Variants in GSG1L observed in about 807,000 individuals in gnomAD.
GSG1L encodes the protein germ cell-specific gene 1-like protein.
A neutral mutation model predicts 42.1 loss-of-function variants in GSG1L; 24 were observed. The observed-to-expected ratio is 0.57, with a 90% CI of 0.41 to 0.80. The LOEUF (loss-of-function observed/expected upper bound fraction) is 0.80. GSG1L is among the 30% of genes least tolerant of loss of function. The pLI is 0.00. For synonymous variants in GSG1L, 215 were observed against 203.5 expected (o/e 1.06, Z -0.48); for missense variants, 445 against 472.2 (o/e 0.94, Z 0.53).
intron 1 of GSG1L, among the ~76,000 whole-genome samples, chr16:27,964,608 T>G (rs2085108859): frequency 1.3e-5 from 2 of 152,214 alleles, no homozygotes; most frequent in African/African-American, 4.8e-5. Flanking sequence ...AATGAGATGC[T>G]GTCATTTGCA....
At chr16:27,920,276 C>G (rs970607127) in intron 2 of GSG1L, among the ~76,000 whole-genome samples, 2 of 152,204 alleles carry the variant, frequency 1.3e-5, no homozygotes, top group African/African-American at 4.8e-5. Context: ...TTTGCTGACC[C>G]TAGTCTGTGG....
At chr16:27,953,969 G>C (rs141080289) in intron 2 of GSG1L, among the ~76,000 whole-genome samples, 1 of 152,314 alleles carries the variant, frequency 6.6e-6, no homozygotes, top group African/African-American at 2.4e-5. Flanking sequence ...ATGACCTTCT[G>C]GTTCCTGGCT....
At chr16:27,905,161 G>A (rs980087552) in intron 2 of GSG1L, among the ~76,000 whole-genome samples, 1 of 152,168 alleles carries the variant, frequency 6.6e-6, no homozygotes, top group African/African-American at 2.4e-5. Context: ...ATTCACCCCA[G>A]AGAGGGGACA....
chr16:27,958,634 A>G (rs1411348085), intron 2 of GSG1L, among the ~76,000 whole-genome samples: 2 of 152,162 alleles, frequency 1.3e-5, no homozygotes, highest in Non-Finnish European at 2.9e-5. Context: ...TGGGTTTATA[A>G]GAGACTTTCA....
intron 2 of GSG1L, among the ~76,000 whole-genome samples, chr16:27,923,747 AG>A (rs1259384917): frequency 1.7e-4 from 11 of 66,248 alleles, no homozygotes; most frequent in African/African-American, 5.4e-4. Flanking sequence ...AAAAAAAAAA[AG>A]GAAGAAAGAA....
intron 2 of GSG1L, among the ~76,000 whole-genome samples, chr16:27,910,055 G>T (rs192284451): frequency 1.0e-4 from 15 of 150,076 alleles, no homozygotes; most frequent in African/African-American, 3.7e-4. Flanking sequence ...CACCTCCCAG[G>T]TCCAAGAGAT....
intron 3 of GSG1L, among the ~76,000 whole-genome samples, chr16:27,862,149 G>A (rs1240768798): frequency 2.6e-5 from 4 of 152,184 alleles, no homozygotes; most frequent in African/African-American, 9.7e-5. Flanking sequence ...ATAGGATATG[G>A]CAGTGGTAAT....
At chr16:28,051,721 T>C (rs779068702) in intron 1 of GSG1L, among the ~76,000 whole-genome samples, 12 of 151,908 alleles carry the variant, frequency 7.9e-5, no homozygotes, top group Non-Finnish European at 1.5e-4. Context: ...AAGAGGACAG[T>C]GGGGCTGCAG....
chr16:28,035,412 C>T (rs1042208050), intron 1 of GSG1L, among the ~76,000 whole-genome samples: 3 of 152,158 alleles, frequency 2.0e-5, no homozygotes, highest in East Asian at 1.9e-4. Context: ...GGAATCCCCA[C>T]TGCTAGCTTT....
At chr16:28,032,236 G>C (rs1418547045) in intron 1 of GSG1L, among the ~76,000 whole-genome samples, 1 of 152,146 alleles carries the variant, frequency 6.6e-6, no homozygotes, top group Non-Finnish European at 1.5e-5. Flanking sequence ...GTCAGACTTG[G>C]ATTCTCACCT....
rs747268788 is a variant in GSG1L at position 27,884,633 on chromosome 16, G to A, written c.403C>T (p.Leu135=). ...DLAPASEKGV[L]WLSVVSEVLY... is the part of the protein sequence containing the mutation. ...ACCTCGGAGACCACAGACAGCCACA[G>A]GACCCCTGTCCAACAGAGGCAGAGA... The change falls in exon 3 of 7, where the codon CTG becomes TTG. Residue 135 remains leucine (L), a synonymous_variant. Transcript: ENST00000447459. This position sits in a 1 kb window ranked among gnomAD's most constrained non-coding sequence, Gnocchi z 4.4. 9 of 1,582,026 alleles carry A rather than the reference G, an allele frequency of 5.7e-6. No individual in the cohort carries two copies. Among genetic ancestry groups the A allele is most frequent in the Non-Finnish European group, 7.7e-6 (9 of 1,163,814 alleles).
At chr16:28,006,834 G>A (rs962020365) in intron 1 of GSG1L, among the ~76,000 whole-genome samples, 1 of 152,196 alleles carries the variant, frequency 6.6e-6, no homozygotes, top group African/African-American at 2.4e-5. Flanking sequence ...CACCCTAGGG[G>A]TAGTGAGCCA....
intron 1 of GSG1L, among the ~76,000 whole-genome samples, chr16:28,034,078 C>A (rs2141178213): frequency 6.6e-6 from 1 of 152,158 alleles, no homozygotes; most frequent in African/African-American, 2.4e-5. Flanking sequence ...CCAACCTATT[C>A]CATCCTGTCC....
chr16:27,837,824 T>A (rs1436965822), intron 4 of GSG1L, among the ~76,000 whole-genome samples: 1 of 151,910 alleles, frequency 6.6e-6, no homozygotes, highest in Admixed American at 6.6e-5. Context: ...CTTGGTCCTT[T>A]GGCTAGAGAA....
chr16:27,942,514 G>A (rs2084812699), intron 2 of GSG1L, among the ~76,000 whole-genome samples: 1 of 151,802 alleles, frequency 6.6e-6, no homozygotes, highest in Non-Finnish European at 1.5e-5. Flanking sequence ...AAAGGTATTT[G>A]CAACATATAC....
At position 27,879,359 on chromosome 16, in the gene GSG1L, C is replaced by T. The variant is rs537181137; in HGVS notation, c.550+5127G>A. Among the ~76,000 whole-genome samples, 3 of 152,288 alleles carry T rather than the reference C, an allele frequency of 2.0e-5. No homozygotes were observed. The East Asian group carries it at 5.8e-4, about 29-fold the overall frequency. The stretch of plus-strand genomic sequence containing the variant: ...GGGGCCCACGCCTGTAATCTCAGCA[C>T]TTTGGGAGGCCGAGGAAGGAGGATT... On this transcript the variant is annotated intron_variant, in intron 3 of 6. Transcript: ENST00000447459.
At chr16:27,862,721 A>T (rs375406336) in intron 3 of GSG1L, among the ~76,000 whole-genome samples, 33 of 152,094 alleles carry the variant, frequency 2.2e-4, no homozygotes, top group South Asian at 6.2e-4. Context: ...ACCCCTCCTG[A>T]CACTAGTCTC....
At chr16:27,904,928 G>A (rs149425201) in intron 2 of GSG1L, among the ~76,000 whole-genome samples, 3 of 152,354 alleles carry the variant, frequency 2.0e-5, no homozygotes, top group African/African-American at 7.2e-5. Context: ...CACAGCCGCA[G>A]CCGACAGGTG....
chr16:28,044,737 C>T (rs1026151166), intron 1 of GSG1L, among the ~76,000 whole-genome samples: 1 of 151,372 alleles, frequency 6.6e-6, no homozygotes, highest in East Asian at 2.0e-4. Flanking sequence ...GATTCTCCTG[C>T]CTCAGCCTCC....
Sources: allele counts gnomAD v4.1 joint callset (sites outside exome capture counted in the v4.1 genomes callset), GRCh38; gene constraint gnomAD v4.1.1; non-coding constraint Gnocchi (gnomAD v3.1); transcripts MANE v1.5; gene names NCBI Gene and HGNC (gene_info 2026-07-23, HGNC 2026-07-21).